FSD1L: variants seen among roughly 807,000 people sequenced by gnomAD.
FSD1L encodes the protein fibronectin type III and SPRY domain containing 1 like.
A neutral mutation model predicts 71.6 loss-of-function variants in FSD1L; 45 were observed. The observed-to-expected ratio is 0.63, with a 90% CI of 0.49 to 0.81. The LOEUF is 0.81. Among genes scored for constraint, FSD1L ranks in the 30% least tolerant of loss-of-function variants. The pLI, the probability that FSD1L is intolerant of heterozygous loss-of-function variation, is 0.00. For missense variants in FSD1L, 561 were observed against 618.1 expected, an observed-to-expected ratio of 0.91 and a Z score of 0.98; for synonymous variants, 197 against 207.2, an observed-to-expected ratio of 0.95 and a Z score of 0.42.
chr9:105,509,052 C>A (rs1319276043), intron 9 of FSD1L, among the ~76,000 whole-genome samples: 1 of 152,122 alleles, frequency 6.6e-6, no homozygotes, highest in Non-Finnish European at 1.5e-5. Flanking sequence ...GATTATGAAT[C>A]AATATTGGGG....
chr9:105,504,698 C>CT lies in FSD1L; in HGVS notation c.587-1698dup, dbSNP rs368094627. Among the ~76,000 whole-genome samples, 964 of 152,322 alleles carry CT rather than the reference C, an allele frequency of 6.3e-3. 16 individuals are homozygous for CT. The highest frequency in any genetic ancestry group is 0.022 in the African/African-American group (915 of 41,564). ...TAACCTATGCACATCCTCCCATATA[C>CT]TTTAAGTCATCTCTAGATTACTTAT... On this transcript the variant is annotated intron_variant, in intron 7 of 13. Transcript: ENST00000481272.
Position 105,520,240 on chromosome 9 carries a change from T to C in FSD1L, c.1025+7304T>C, listed in dbSNP as rs147773912. The stretch of plus-strand genomic sequence containing the variant: ...CACCTGCGCATCGTCATCGAGTTAA[T>C]GGTGGAACTGGCTGAAGAAGATGCA... On this transcript the variant is annotated intron_variant, in intron 10 of 13. Coordinates refer to ENST00000481272, the MANE Select transcript of FSD1L (RefSeq NM_001145313.3). 2.7e-3 allele frequency: 4,278 copies of C among 1,608,290 alleles called. 9 individuals are homozygous for C. The highest frequency in any genetic ancestry group is 3.0e-3 in the Non-Finnish European group (3,477 of 1,178,154).
intron 6 of FSD1L, among the ~76,000 whole-genome samples, chr9:105,479,694 A>G (rs1213690593): frequency 4.6e-5 from 7 of 152,204 alleles, no homozygotes; most frequent in Admixed American, 2.0e-4. Context: ...TTAAAAATAT[A>G]TATTTCTGGA....
intron 10 of FSD1L, among the ~76,000 whole-genome samples, chr9:105,519,898 G>A (rs1019227076): frequency 6.6e-6 from 1 of 152,212 alleles, no homozygotes; most frequent in Non-Finnish European, 1.5e-5. Flanking sequence ...CCGGGAGAGG[G>A]ATCCGCCATA....
chr9:105,529,095 C>T (rs560573600), intron 10 of FSD1L, among the ~76,000 whole-genome samples: 3 of 152,208 alleles, frequency 2.0e-5, no homozygotes, highest in African/African-American at 7.2e-5. Flanking sequence ...GTTAGAATGG[C>T]GATCATGAAA....
intron 7 of FSD1L, among the ~76,000 whole-genome samples, chr9:105,487,142 C>T (rs1832604545): frequency 6.6e-6 from 1 of 152,072 alleles, no homozygotes; most frequent in Non-Finnish European, 1.5e-5. Flanking sequence ...CTGTACATCA[C>T]TTTATTTTTT....
At chr9:105,493,556 G>C (rs540091212) in intron 7 of FSD1L, among the ~76,000 whole-genome samples, 68 of 152,238 alleles carry the variant, frequency 4.5e-4, no homozygotes, top group African/African-American at 8.9e-4. Flanking sequence ...ATGTTAGCTG[G>C]TGATTTTGCT....
At chr9:105,546,262 C>G (rs567693963) in intron 13 of FSD1L, 96 bp from the exon 14 acceptor site, 1 of 1,076,590 alleles carries the variant, frequency 9.3e-7, no homozygotes, top group Admixed American at 2.9e-5. Flanking sequence ...GATTGATGTT[C>G]ATATGTGTGG....
chr9:105,511,219 C>A (rs192794466), intron 9 of FSD1L, among the ~76,000 whole-genome samples: 1 of 151,556 alleles, frequency 6.6e-6, no homozygotes, highest in East Asian at 1.9e-4. Flanking sequence ...CCTTTGACAC[C>A]AGTATTGCTG....
intron 10 of FSD1L, chr9:105,520,640 T>C: frequency 6.2e-7 from 1 of 1,610,684 alleles, no homozygotes; most frequent in Non-Finnish European, 8.5e-7. Flanking sequence ...GGGAAGGTGT[T>C]CGTCTTTTCT....
chr9:105,525,384 C>T (rs1835444456), intron 10 of FSD1L: 1 of 1,601,190 alleles, frequency 6.2e-7, no homozygotes, highest in Non-Finnish European at 8.5e-7. Flanking sequence ...AACCTGTGTG[C>T]ATTTCTGAAA....
intron 10 of FSD1L, chr9:105,520,072 TGCC>T (rs1426138082): frequency 6.4e-7 from 1 of 1,555,452 alleles, no homozygotes; most frequent in African/African-American, 1.4e-5. Flanking sequence ...CTCCACTTTC[TGCC>T]GCTGGGAGCC....
intron 10 of FSD1L, among the ~76,000 whole-genome samples, chr9:105,527,732 C>T (rs1486582386): frequency 6.7e-6 from 1 of 150,336 alleles, no homozygotes; most frequent in Non-Finnish European, 1.5e-5. Flanking sequence ...AGAAAACCAG[C>T]ACAAGACAAG....
upstream of FSD1L, among the ~76,000 whole-genome samples, chr9:105,446,893 A>G (rs931925215): frequency 5.9e-5 from 9 of 152,098 alleles, no homozygotes; most frequent in African/African-American, 1.9e-4. Flanking sequence ...GCCTCTCCAG[A>G]GTCATCCAAA....
intron 7 of FSD1L, among the ~76,000 whole-genome samples, chr9:105,494,991 G>T (rs1382754713): frequency 6.6e-6 from 1 of 152,198 alleles, no homozygotes; most frequent in Non-Finnish European, 1.5e-5. Context: ...CCTGTTCTCA[G>T]ATCTCCAGCT....
intron 6 of FSD1L, among the ~76,000 whole-genome samples, chr9:105,480,254 T>C (rs1348779244): frequency 6.6e-6 from 1 of 152,130 alleles, no homozygotes; most frequent in Non-Finnish European, 1.5e-5. Context: ...ACAGTGCCTC[T>C]ATTGTTAATC....
chr9:105,448,287 G>A lies in FSD1L; in HGVS notation c.15+52G>A, dbSNP rs1829751871. ...TACCGAGACAAGCCGGGCCGGCACA[G>A]GGTGGGCGGGGCGCCTGGGCCCGTG... is the stretch of plus-strand genomic sequence containing the variant. On this transcript the variant is annotated intron_variant, in intron 1 of 13. Transcript: ENST00000481272. 6 of 1,483,208 alleles carry A rather than the reference G, an allele frequency of 4.0e-6. No individual in the cohort carries two copies. In the Admixed American group the frequency reaches 1.3e-4, roughly 33 times the overall value. The allele number at this position is 1,483,208 out of a possible 1,614,324, so 91.9% of individuals were successfully genotyped here. A position where few individuals can be genotyped will look rare whatever the true frequency, so the allele number is the denominator to read the frequency against.
chr9:105,545,347 T>A (rs1293981239), intron 13 of FSD1L, among the ~76,000 whole-genome samples: 3 of 146,370 alleles, frequency 2.0e-5, no homozygotes, highest in Admixed American at 2.0e-4. Context: ...GTTTTCTAGA[T>A]ATACAATCAT....
At chr9:105,473,309 CAAAA>C (rs1831593448) in intron 5 of FSD1L, 1 of 152,044 alleles carries the variant, frequency 6.6e-6, no homozygotes, top group African/African-American at 2.4e-5. Context: ...CTATCTCAAA[CAAAA>C]CAAAACAAAA....
Sources: allele counts gnomAD v4.1 joint callset (sites outside exome capture counted in the v4.1 genomes callset), GRCh38; gene constraint gnomAD v4.1.1; transcripts MANE v1.5; gene names NCBI Gene and HGNC (gene_info 2026-07-23, HGNC 2026-07-21).